The following ATP2B1 variants were observed in gnomAD, a reference collection of about 807,000 sequenced individuals.
ATP2B1 encodes the protein plasma membrane calcium-transporting ATPase 1.
A neutral mutation model predicts 124.2 loss-of-function variants in ATP2B1; 14 were observed. That is an observed-to-expected ratio of 0.11 (90% CI 0.07 to 0.18). ATP2B1 has a LOEUF of 0.18. ATP2B1 is among the 10% of genes least tolerant of loss of function. The pLI, the probability that ATP2B1 is intolerant of heterozygous loss-of-function variation, is 1.00. For missense variants in ATP2B1, 763 were observed against 1,466.1 expected (o/e 0.52, Z 7.83); for synonymous variants, 449 against 492.4 (o/e 0.91, Z 1.17).
intron 3 of ATP2B1, among the ~76,000 whole-genome samples, chr12:89,641,130 C>A (rs1883436386): frequency 6.6e-6 from 1 of 152,092 alleles, no homozygotes; most frequent in South Asian, 2.1e-4. Flanking sequence ...ATTACAGCTA[C>A]TTAAATATAG....
intron 15 of ATP2B1, among the ~76,000 whole-genome samples, chr12:89,609,005 C>T (rs1420691510): frequency 6.6e-6 from 1 of 152,134 alleles, no homozygotes; most frequent in African/African-American, 2.4e-5. Flanking sequence ...TCTCTCACTC[C>T]TGTTGAAAGG....
intron 1 of ATP2B1, among the ~76,000 whole-genome samples, chr12:89,701,253 A>G (rs1057244167): frequency 6.6e-6 from 1 of 152,306 alleles, no homozygotes; most frequent in South Asian, 2.1e-4. Context: ...CCCATTCTTC[A>G]AAACTCAGCA....
chr12:89,671,570 C>A (rs894819584), intron 1 of ATP2B1, among the ~76,000 whole-genome samples: 1 of 152,118 alleles, frequency 6.6e-6, no homozygotes, highest in East Asian at 1.9e-4. Flanking sequence ...AATATTATTA[C>A]CCCCAATTGC....
chr12:89,597,722 T>C (rs896876507), intron 20 of ATP2B1, among the ~76,000 whole-genome samples: 1 of 152,124 alleles, frequency 6.6e-6, no homozygotes, highest in African/African-American at 2.4e-5. Flanking sequence ...CTCCAATATA[T>C]TGAGAATGCG....
At chr12:89,698,666 A>G (rs1891465859) in intron 1 of ATP2B1, among the ~76,000 whole-genome samples, 1 of 152,226 alleles carries the variant, frequency 6.6e-6, no homozygotes, top group South Asian at 2.1e-4. Context: ...TTTATGAGAA[A>G]AAAAGGACAC....
intron 12 of ATP2B1, chr12:89,612,232 A>T (rs887908665): frequency 4.6e-5 from 7 of 152,148 alleles, no homozygotes; most frequent in African/African-American, 1.7e-4. Flanking sequence ...ATGATTCCTC[A>T]GCTGTTATAC....
At chr12:89,634,694 G>A (rs1385546794) in intron 5 of ATP2B1, 84 bp downstream of exon 5, 2 of 1,352,784 alleles carry the variant, frequency 1.5e-6, no homozygotes, top group East Asian at 4.7e-5. Context: ...TTATATTATT[G>A]ACTCTTAGGA....
chr12:89,602,953 G>A (rs1183369835), intron 18 of ATP2B1, 90 bp downstream of exon 18: 19 of 1,156,974 alleles, frequency 1.6e-5, no homozygotes, highest in African/African-American at 3.1e-5. Context: ...TTCCACACAT[G>A]TTCCACACAA....
chr12:89,706,842 AAC>A (rs1247803559), intron 1 of ATP2B1, among the ~76,000 whole-genome samples: 1 of 152,202 alleles, frequency 6.6e-6, no homozygotes, highest in East Asian at 1.9e-4. Flanking sequence ...GTAGGAAATT[AAC>A]AGTTACTTTT....
intron 1 of ATP2B1, among the ~76,000 whole-genome samples, chr12:89,658,781 T>C (rs944210117): frequency 6.6e-6 from 1 of 152,198 alleles, no homozygotes; most frequent in Non-Finnish European, 1.5e-5. Flanking sequence ...AGTTTTCTAT[T>C]ACTTTGCAAG....
chr12:89,642,033 C>CTT (rs1189747523), intron 3 of ATP2B1, 125 bp downstream of exon 3: 2 of 944,664 alleles, frequency 2.1e-6, no homozygotes, highest in Non-Finnish European at 3.2e-6. Flanking sequence ...ATTTAAGGTA[C>CTT]TTAGAACAGT....
At chr12:89,666,515 G>A (rs1592918120) in intron 1 of ATP2B1, among the ~76,000 whole-genome samples, 1 of 152,154 alleles carries the variant, frequency 6.6e-6, no homozygotes, top group Non-Finnish European at 1.5e-5. Flanking sequence ...TTCAAAGGTA[G>A]TCAAGATCCT....
intron 2 of ATP2B1, among the ~76,000 whole-genome samples, chr12:89,653,007 G>A (rs1465528239): frequency 6.6e-6 from 1 of 152,128 alleles, no homozygotes; most frequent in Non-Finnish European, 1.5e-5. Flanking sequence ...GGGATTACAG[G>A]TGCGAGCCAC....
Position 89,621,751 on chromosome 12 carries a change from G to T in ATP2B1, c.1385C>A (p.Ala462Asp). The change falls in exon 10 of 21, where the codon GCT becomes GAT. Residue 462 changes from alanine (A) to aspartate (D), a missense_variant. Transcript: ENST00000428670. ...TGTAGCATTTCCCATGGTTTCACAA[G>T]CATCCAGATGCCTTACTAAGTTATT... ...KDNNLVRHLD[A>D]CETMGNATAI... 1 of 1,595,240 alleles carries T rather than the reference G, an allele frequency of 6.3e-7. No homozygotes were observed.
chr12:89,704,421 T>A (rs1357132715), intron 1 of ATP2B1, among the ~76,000 whole-genome samples: 1 of 152,074 alleles, frequency 6.6e-6, no homozygotes, highest in East Asian at 1.9e-4. Context: ...AACAAACCCA[T>A]TCATATTTCT....
Position 89,603,828 on chromosome 12 carries a change from A to G in ATP2B1, c.2732T>C (p.Leu911Pro). 1 of 1,614,148 alleles carries G rather than the reference A, an allele frequency of 6.2e-7. No individual in the cohort carries two copies. The highest frequency in any genetic ancestry group is 1.1e-5 in the South Asian group (1 of 91,080). ...ALATEPPTESLLLRKPYGRNK... is the reference protein window; with the variant it reads ...ALATEPPTESPLLRKPYGRNK... ...TCTACCATAAGGTTTCCGAAGCAAG[A>G]GAGACTCAGTGGGTGGTTCCGTTGC... The change falls in exon 17 of 21, where the codon CTC becomes CCC. Residue 911 changes from leucine (L) to proline (P), a missense_variant. Physicochemically the swap from Leu to Pro is moderately conservative, Grantham distance 98. Coordinates refer to ENST00000428670, the MANE Select transcript of ATP2B1 (RefSeq NM_001366521.1). The surrounding 1 kb of genome is among the most constrained non-coding windows in gnomAD (Gnocchi z 4.3).
intron 1 of ATP2B1, among the ~76,000 whole-genome samples, chr12:89,698,262 G>T (rs1305943978): frequency 6.6e-6 from 1 of 152,168 alleles, no homozygotes; most frequent in African/African-American, 2.4e-5. Flanking sequence ...TCCATCAACA[G>T]GCGAACGGAC....
chr12:89,644,890 A>G (rs1884206276), intron 2 of ATP2B1, among the ~76,000 whole-genome samples: 1 of 152,232 alleles, frequency 6.6e-6, no homozygotes, highest in Non-Finnish European at 1.5e-5. Flanking sequence ...TGAAAAGAAC[A>G]GCCACAGAGC....
intron 20 of ATP2B1, among the ~76,000 whole-genome samples, chr12:89,592,669 C>T (rs1477383298): frequency 1.3e-5 from 2 of 152,040 alleles, no homozygotes; most frequent in Non-Finnish European, 2.9e-5. Context: ...CCTGAGGAAC[C>T]TCGGTCAAAC....
Sources: allele counts gnomAD v4.1 joint callset (sites outside exome capture counted in the v4.1 genomes callset), GRCh38; gene constraint gnomAD v4.1.1; non-coding constraint Gnocchi (gnomAD v3.1); transcripts MANE v1.5; gene names NCBI Gene and HGNC (gene_info 2026-07-23, HGNC 2026-07-21).